The following GRM7 variants were observed in gnomAD, a reference collection of about 807,000 sequenced individuals.
GRM7 encodes the protein glutamate metabotropic receptor 7.
A neutral mutation model predicts 84.5 loss-of-function variants in GRM7; 35 were observed. That is an observed-to-expected ratio of 0.41 (90% CI 0.32 to 0.55). The LOEUF (loss-of-function observed/expected upper bound fraction) is 0.55, where lower values mean the gene tolerates loss of function less well. Ranked by LOEUF, GRM7 falls within the 20% of genes least tolerant of loss-of-function variation. GRM7 has a pLI of 0.19. For synonymous variants in GRM7, 487 were observed against 455.1 expected (o/e 1.07, Z -0.89); for missense variants, 1,003 against 1,194.6 (o/e 0.84, Z 2.36).
At chr3:7,171,497 G>T (rs1694982077) in intron 2 of GRM7, among the ~76,000 whole-genome samples, 1 of 151,958 alleles carries the variant, frequency 6.6e-6, no homozygotes, top group Non-Finnish European at 1.5e-5. Context: ...AGATTTTATG[G>T]CACCACACAC....
intron 8 of GRM7, among the ~76,000 whole-genome samples, chr3:7,597,518 C>T (rs1696106294): frequency 6.6e-6 from 1 of 152,178 alleles, no homozygotes; most frequent in African/African-American, 2.4e-5. Context: ...CCCTGCAGTC[C>T]AGCAGACTGT....
chr3:7,469,764 T>C (rs2124921571), intron 7 of GRM7, among the ~76,000 whole-genome samples: 1 of 152,326 alleles, frequency 6.6e-6, no homozygotes, highest in East Asian at 1.9e-4. Flanking sequence ...TGTCAGCATC[T>C]CTGAATCTGT....
At chr3:6,984,375 T>C (rs551962572) in intron 1 of GRM7, among the ~76,000 whole-genome samples, 13 of 152,352 alleles carry the variant, frequency 8.5e-5, no homozygotes, top group Non-Finnish European at 1.9e-4. Context: ...CCAACTGCTG[T>C]TTAAACTCTT....
At chr3:7,428,248 A>G (rs1206557533) in intron 5 of GRM7, among the ~76,000 whole-genome samples, 1 of 152,120 alleles carries the variant, frequency 6.6e-6, no homozygotes, top group African/African-American at 2.4e-5. Flanking sequence ...ATCCAAGTGT[A>G]GGGAAAGAAT....
chr3:7,103,802 CTTTCTT>C (rs1699199342), intron 1 of GRM7, among the ~76,000 whole-genome samples: 1 of 109,532 alleles, frequency 9.1e-6, no homozygotes, highest in African/African-American at 5.1e-5. Context: ...TTCTTTCTTT[CTTTCTT>C]TCTTTCTTTC....
At position 7,740,423 on chromosome 3, in the gene GRM7, G is replaced by C; in HGVS notation, c.*17G>C. 6.9e-7 allele frequency: 1 copy of C among 1,443,046 alleles called. No homozygotes were observed. Among genetic ancestry groups the C allele is most frequent in the Non-Finnish European group, 9.6e-7 (1 of 1,044,496 alleles). 89.4% of individuals were successfully genotyped at this position (1,443,046 alleles called of 1,614,324 possible). ...GTTATCTAACCTGTTCCATTCCATG[G>C]AACCATGGAGGAGGAAGACCCTCAG... On this transcript the variant is annotated 3_prime_UTR_variant, in exon 10 of 10. Transcript: ENST00000357716.
intron 6 of GRM7, among the ~76,000 whole-genome samples, chr3:7,456,860 G>C (rs956246183): frequency 6.6e-6 from 1 of 152,098 alleles, no homozygotes; most frequent in South Asian, 2.1e-4. Context: ...CAAAGAAGCT[G>C]TGCTAAATTT....
At chr3:6,893,557 A>G (rs1696053689) in intron 1 of GRM7, among the ~76,000 whole-genome samples, 1 of 152,158 alleles carries the variant, frequency 6.6e-6, no homozygotes, top group Admixed American at 6.6e-5. Flanking sequence ...TCTTGTAAGT[A>G]TATGCCATTA....
chr3:7,197,512 C>A (rs373609834), intron 2 of GRM7, among the ~76,000 whole-genome samples: 2 of 152,220 alleles, frequency 1.3e-5, no homozygotes, highest in African/African-American at 4.8e-5. Flanking sequence ...TTTATCCTGA[C>A]ATGTTCCTAA....
intron 4 of GRM7, among the ~76,000 whole-genome samples, chr3:7,390,433 C>T (rs541859030): frequency 6.6e-6 from 1 of 152,232 alleles, no homozygotes; most frequent in African/African-American, 2.4e-5. Context: ...TATATCCTCA[C>T]ATATTGTTTC....
At chr3:7,492,348 T>G (rs1350963226) in intron 7 of GRM7, among the ~76,000 whole-genome samples, 5 of 152,148 alleles carry the variant, frequency 3.3e-5, no homozygotes, top group Admixed American at 2.0e-4. Context: ...AGTTCACTTT[T>G]TTTGTAGTTT....
chr3:6,947,668 T>G (rs9841071), intron 1 of GRM7, among the ~76,000 whole-genome samples: 2,597 of 152,316 alleles, frequency 0.017, 67 homozygotes, highest in African/African-American at 0.058. Context: ...AATTCGACTG[T>G]GAATCCATCT....
intron 1 of GRM7, among the ~76,000 whole-genome samples, chr3:6,898,941 G>C (rs1162545150): frequency 1.3e-5 from 2 of 152,154 alleles, no homozygotes; most frequent in African/African-American, 2.4e-5. Flanking sequence ...AAGTGGTTGT[G>C]ACAAATTCAG....
intron 7 of GRM7, among the ~76,000 whole-genome samples, chr3:7,491,931 C>T (rs10222587): frequency 0.11 from 17,221 of 152,096 alleles, 1,049 homozygotes; most frequent in Non-Finnish European, 0.12. Flanking sequence ...CTGTTCTACC[C>T]GGCAAGGACC....
chr3:7,375,213 C>A (rs963941549), intron 4 of GRM7, among the ~76,000 whole-genome samples: 2 of 146,110 alleles, frequency 1.4e-5, no homozygotes, highest in Middle Eastern at 3.2e-3. Context: ...TTAAACATCC[C>A]CTTTTTTTTT....
chr3:7,668,702 T>C (rs913913388), intron 8 of GRM7, among the ~76,000 whole-genome samples: 10 of 152,308 alleles, frequency 6.6e-5, no homozygotes, highest in Admixed American at 3.3e-4. Context: ...AAATACAGCA[T>C]ATTTAGGAAT....
chr3:7,634,435 C>T (rs1460405177), intron 8 of GRM7, among the ~76,000 whole-genome samples: 1 of 136,432 alleles, frequency 7.3e-6, no homozygotes, highest in African/African-American at 2.9e-5. Context: ...GTCAAATTTC[C>T]ACTAAGGGTT....
At chr3:7,391,573 T>G (rs1694996756) in intron 4 of GRM7, among the ~76,000 whole-genome samples, 1 of 150,966 alleles carries the variant, frequency 6.6e-6, no homozygotes, top group African/African-American at 2.4e-5. Context: ...GCGGGGGAAG[T>G]GGGGAGGGAT....
At chr3:7,002,191 T>C (rs1695035631) in intron 1 of GRM7, among the ~76,000 whole-genome samples, 1 of 152,170 alleles carries the variant, frequency 6.6e-6, no homozygotes, top group Admixed American at 6.5e-5. Context: ...GAAGGTATTA[T>C]CTAAGGGTAT....
Sources: gnomAD v4.1 joint callset for allele counts (sites outside exome capture counted in the v4.1 genomes callset) on GRCh38, gnomAD v4.1.1 for gene constraint, MANE v1.5 for transcripts, NCBI Gene and HGNC (gene_info 2026-07-23, HGNC 2026-07-21) for gene names.